Variants in CHL1 observed in about 807,000 individuals in gnomAD.
CHL1 encodes the protein neural cell adhesion molecule L1-like protein.
In CHL1, 96 loss-of-function variants were observed where a neutral mutation model predicts 141.9. That is an observed-to-expected ratio of 0.68 (90% confidence interval 0.57 to 0.80). CHL1 has a LOEUF of 0.80. Ranked by LOEUF, CHL1 falls within the 30% of genes least tolerant of loss-of-function variation. The pLI, the probability that CHL1 is intolerant of heterozygous loss-of-function variation, is 0.00. For missense variants in CHL1, 1,820 were observed against 1,457.2 expected (o/e 1.25, Z -4.05); for synonymous variants, 613 against 502.2 (o/e 1.22, Z -2.95).
intron 2 of CHL1, among the ~76,000 whole-genome samples, chr3:254,528 T>C (rs1337138192): frequency 6.6e-6 from 1 of 152,124 alleles, no homozygotes; most frequent in Non-Finnish European, 1.5e-5. Context: ...GATGAGATGA[T>C]TGTCAGGGCA....
chr3:283,208 A>G (rs933038324), intron 2 of CHL1, among the ~76,000 whole-genome samples: 7 of 152,264 alleles, frequency 4.6e-5, no homozygotes, highest in African/African-American at 4.8e-5. Flanking sequence ...TCACTTTCTC[A>G]TAGCCATTCT....
chr3:338,102 G>A (rs1702072333), intron 5 of CHL1, among the ~76,000 whole-genome samples: 2 of 152,194 alleles, frequency 1.3e-5, no homozygotes, highest in South Asian at 2.1e-4. Context: ...CTGACCTTGT[G>A]ATCCGCCCAC....
At chr3:342,706 T>C (rs537185434) in intron 7 of CHL1, among the ~76,000 whole-genome samples, 1 of 152,304 alleles carries the variant, frequency 6.6e-6, no homozygotes, top group Admixed American at 6.5e-5. Flanking sequence ...TTTTTATGTG[T>C]AGATATGCCA....
intron 1 of CHL1, among the ~76,000 whole-genome samples, chr3:241,852 C>G (rs1195849224): frequency 2.1e-5 from 3 of 142,926 alleles, no homozygotes; most frequent in Non-Finnish European, 4.6e-5. Context: ...AAAAAAACAA[C>G]TTTTCACTAA....
At position 242,395 on chromosome 3, in the gene CHL1, G is replaced by C. The variant is rs571697149; in HGVS notation, c.-174-2218G>C. On this transcript the variant is annotated intron_variant, in intron 1 of 27. Transcript: ENST00000256509. Reference sequence around the variant, plus strand: ...GCAGATCACGAGGTCAGGAGATCGAGACCATCCTGGCTAACACGGTGAAAC... The same window carrying C: ...GCAGATCACGAGGTCAGGAGATCGACACCATCCTGGCTAACACGGTGAAAC... 4.8e-4 allele frequency among the ~76,000 whole-genome samples: 68 copies of C among 141,664 alleles called. 1 individual carries two copies. Among genetic ancestry groups the C allele is most frequent in the Non-Finnish European group, 7.5e-4 (49 of 65,044 alleles). The allele number at this position is 141,664 out of a possible 152,430, so 92.9% of individuals were successfully genotyped here. A position where few individuals can be genotyped will look rare whatever the true frequency, so the allele number is the denominator to read the frequency against.
chr3:309,482 T>A (rs1699571046), intron 2 of CHL1, among the ~76,000 whole-genome samples: 1 of 151,292 alleles, frequency 6.6e-6, no homozygotes, highest in Non-Finnish European at 1.5e-5. Flanking sequence ...TCTCTCTCTC[T>A]CTCTTTCTTT....
At chr3:280,913 CCACACA>C (rs56209708) in intron 2 of CHL1, among the ~76,000 whole-genome samples, 22 of 148,726 alleles carry the variant, frequency 1.5e-4, no homozygotes, top group Admixed American at 4.7e-4. Context: ...CACACATGCA[CCACACA>C]CACACACACA....
chr3:219,612 G>C (rs1559288165), intron 1 of CHL1, among the ~76,000 whole-genome samples: 1 of 152,150 alleles, frequency 6.6e-6, no homozygotes, highest in East Asian at 1.9e-4. Flanking sequence ...ACCAAATACT[G>C]CATGTTCTCA....
chr3:273,790 C>A (rs552080476), intron 2 of CHL1, among the ~76,000 whole-genome samples: 1 of 152,118 alleles, frequency 6.6e-6, no homozygotes, highest in African/African-American at 2.4e-5. Flanking sequence ...GGTAATATGC[C>A]TATGTTAAAT....
At chr3:266,000 G>C (rs1018068708) in intron 2 of CHL1, among the ~76,000 whole-genome samples, 5 of 152,196 alleles carry the variant, frequency 3.3e-5, no homozygotes, top group African/African-American at 1.2e-4. Context: ...AGTCTGTGTG[G>C]CTAACCCACT....
At chr3:228,414 G>A (rs1464753093) in intron 1 of CHL1, among the ~76,000 whole-genome samples, 1 of 151,960 alleles carries the variant, frequency 6.6e-6, no homozygotes, top group South Asian at 2.1e-4. Context: ...TAGATATTAA[G>A]TGTTCAAGGG....
chr3:341,858 T>C (rs1702368934), intron 6 of CHL1, 54 bp from the exon 7 acceptor site: 6 of 1,354,802 alleles, frequency 4.4e-6, no homozygotes, highest in Admixed American at 2.4e-5. Context: ...AAAAGGAAGA[T>C]GAAGCACAGT....
At chr3:300,948 TAAAAGAACATGTAATTG>T in intron 2 of CHL1, among the ~76,000 whole-genome samples, 1 of 152,230 alleles carries the variant, frequency 6.6e-6, no homozygotes, top group East Asian at 1.9e-4. Context: ...TTTAGGAAGT[TAAAAGAACATGTAATTG>T]AAGCTCAGGA....
intron 3 of CHL1, among the ~76,000 whole-genome samples, chr3:323,686 T>G (rs1202240094): frequency 2.0e-5 from 3 of 152,130 alleles, no homozygotes; most frequent in Non-Finnish European, 4.4e-5. Context: ...ACAGATGAAA[T>G]GCAGAAGCAG....
At chr3:307,074 G>A (rs763125406) in intron 2 of CHL1, among the ~76,000 whole-genome samples, 45 of 152,268 alleles carry the variant, frequency 3.0e-4, no homozygotes, top group Non-Finnish European at 5.6e-4. Context: ...GTTTACCGCA[G>A]ATAATAGTTT....
intron 1 of CHL1, among the ~76,000 whole-genome samples, chr3:233,233 C>T (rs1171669728): frequency 6.6e-6 from 1 of 152,066 alleles, no homozygotes; most frequent in African/African-American, 2.4e-5. Flanking sequence ...AACTTTTCAG[C>T]CTCGTCTCTT....
intron 2 of CHL1, among the ~76,000 whole-genome samples, chr3:283,468 A>G (rs1696840966): frequency 6.6e-6 from 1 of 152,198 alleles, no homozygotes; most frequent in African/African-American, 2.4e-5. Context: ...GTACTTATTC[A>G]TCCATCCTTT....
Position 365,940 on chromosome 3 carries a change from G to A in CHL1, c.1586-10G>A, listed in dbSNP as rs778964024. On this transcript the variant is annotated splice_polypyrimidine_tract_variant and intron_variant, in intron 14 of 27. Transcript: ENST00000256509. The stretch of plus-strand genomic sequence containing the variant: ...TAGTTCTAACTAATATCTTTGTTTG[G>A]TAAAAACAGATGCTACAAAACTTAG... The A allele has an allele frequency of 6.2e-7, 1 of 1,608,880 alleles. No individual in the cohort carries two copies. Among genetic ancestry groups the A allele is most frequent in the African/African-American group, 1.3e-5 (1 of 74,718 alleles).
chr3:279,995 T>G (rs563889276), intron 2 of CHL1, among the ~76,000 whole-genome samples: 1 of 151,726 alleles, frequency 6.6e-6, no homozygotes, highest in East Asian at 1.9e-4. Context: ...TCACACTGAG[T>G]ATTTTTTAAC....
Sources: gnomAD v4.1 joint callset for allele counts (sites outside exome capture counted in the v4.1 genomes callset) on GRCh38, gnomAD v4.1.1 for gene constraint, MANE v1.5 for transcripts, NCBI Gene and HGNC (gene_info 2026-07-23, HGNC 2026-07-21) for gene names.